Variants in CDH12 observed in about 807,000 individuals in gnomAD.
CDH12 encodes the protein cadherin-12.
A neutral mutation model predicts 74.1 loss-of-function variants in CDH12; 41 were observed. The observed-to-expected ratio is 0.55, with a 90% confidence interval of 0.43 to 0.72. CDH12 has a LOEUF of 0.72. Among genes scored for constraint, CDH12 ranks in the 30% least tolerant of loss-of-function variants. The probability of loss-of-function intolerance (pLI) is 0.00; values close to 1 mark genes in which losing one functional copy is unlikely to be tolerated. For missense variants in CDH12, 945 were observed against 977.2 expected (o/e 0.97, Z 0.44); for synonymous variants, 399 against 355.0 (o/e 1.12, Z -1.39).
At chr5:21,947,804 G>A (rs4028782) in intron 6 of CDH12, among the ~76,000 whole-genome samples, 2 of 152,170 alleles carry the variant, frequency 1.3e-5, no homozygotes, top group Non-Finnish European at 1.5e-5. Flanking sequence ...CAGACCCAGC[G>A]GCCTCTGAGG....
chr5:22,172,702 A>G (rs1749103136), intron 4 of CDH12, among the ~76,000 whole-genome samples: 1 of 151,752 alleles, frequency 6.6e-6, no homozygotes. Context: ...ATGACTGTAT[A>G]CTGTCTACTG....
At chr5:22,778,033 G>A (rs1248055370) in intron 1 of CDH12, among the ~76,000 whole-genome samples, 2 of 152,080 alleles carry the variant, frequency 1.3e-5, no homozygotes, top group Non-Finnish European at 2.9e-5. Context: ...TCGAACTCCT[G>A]ACCTCAAGTG....
chr5:21,880,685 TTCTTTCTC>T (rs1430510348), intron 6 of CDH12, among the ~76,000 whole-genome samples: 3 of 129,036 alleles, frequency 2.3e-5, no homozygotes, highest in African/African-American at 8.4e-5. Context: ...CTTTCTTTCT[TTCTTTCTC>T]TTTTCTCCTT....
At chr5:22,678,296 C>A (rs1741319884) in intron 1 of CDH12, among the ~76,000 whole-genome samples, 1 of 152,076 alleles carries the variant, frequency 6.6e-6, no homozygotes, top group African/African-American at 2.4e-5. Context: ...GTGTTTGTAG[C>A]AAACACTGAA....
At chr5:22,267,108 G>C (rs913499704) in intron 3 of CDH12, among the ~76,000 whole-genome samples, 5 of 151,998 alleles carry the variant, frequency 3.3e-5, no homozygotes, top group Non-Finnish European at 7.4e-5. Flanking sequence ...ACTTTCCCTA[G>C]TGTATTCAAA....
At chr5:22,117,537 T>C in intron 4 of CDH12, among the ~76,000 whole-genome samples, 1 of 102,958 alleles carries the variant, frequency 9.7e-6, no homozygotes, top group Non-Finnish European at 1.9e-5. Flanking sequence ...TATATATATA[T>C]ATATAGTGTG....
chr5:21,992,919 A>G (rs1468938821), intron 5 of CDH12, among the ~76,000 whole-genome samples: 1 of 152,212 alleles, frequency 6.6e-6, no homozygotes, highest in Non-Finnish European at 1.5e-5. Context: ...GGGAGGCCTC[A>G]GAAAACTTAC....
At chr5:22,452,068 T>A (rs761132540) in intron 2 of CDH12, among the ~76,000 whole-genome samples, 7 of 151,624 alleles carry the variant, frequency 4.6e-5, no homozygotes, top group Non-Finnish European at 8.9e-5. Context: ...AAAAATAAAT[T>A]GAAAAGGACA....
At chr5:22,269,872 G>C (rs950504724) in intron 3 of CDH12, among the ~76,000 whole-genome samples, 3 of 152,080 alleles carry the variant, frequency 2.0e-5, no homozygotes, top group African/African-American at 7.2e-5. Flanking sequence ...CAAGCTTGGG[G>C]CCCATTTTAG....
At chr5:22,545,709 G>A (rs938136015) in intron 1 of CDH12, among the ~76,000 whole-genome samples, 1 of 152,050 alleles carries the variant, frequency 6.6e-6, no homozygotes, top group African/African-American at 2.4e-5. Flanking sequence ...TTTAAATGAT[G>A]TATAAAAATA....
In CDH12 at chr5:22,078,823, T is replaced by C; in HGVS notation, c.-147A>G. ...ATGATGCAGGCATTAATCCTTTTGATGAAAAGGCTTCTGCTGTATTATATT... is the reference window on the plus strand; with the variant it reads ...ATGATGCAGGCATTAATCCTTTTGACGAAAAGGCTTCTGCTGTATTATATT... On this transcript the variant is annotated 5_prime_UTR_variant, in exon 5 of 15. Coordinates refer to ENST00000382254, the MANE Select transcript of CDH12 (RefSeq NM_004061.5). The C allele has an allele frequency of 1.4e-6, 2 of 1,431,796 alleles. No homozygotes were observed. The highest frequency in any genetic ancestry group is 1.8e-6 in the Non-Finnish European group (2 of 1,096,976). 88.7% of individuals were successfully genotyped at this position (1,431,796 alleles called of 1,614,324 possible).
intron 3 of CDH12, among the ~76,000 whole-genome samples, chr5:22,319,785 T>C (rs7713669): frequency 0.35 from 53,015 of 151,366 alleles, 9,586 homozygotes; most frequent in South Asian, 0.47. Flanking sequence ...AGGGTTCCTT[T>C]AGAGTGAGTG....
At chr5:21,866,366 T>C (rs1751326723) in intron 6 of CDH12, among the ~76,000 whole-genome samples, 2 of 152,204 alleles carry the variant, frequency 1.3e-5, no homozygotes, top group South Asian at 4.1e-4. Context: ...AGTTTGGAAC[T>C]TCCTAGAGAC....
At chr5:22,326,237 T>TC (rs1433233038) in intron 3 of CDH12, among the ~76,000 whole-genome samples, 6 of 151,452 alleles carry the variant, frequency 4.0e-5, no homozygotes, top group East Asian at 4.0e-4. Flanking sequence ...TATTTTTTTT[T>TC]TTTCTTTCTT....
intron 3 of CDH12, among the ~76,000 whole-genome samples, chr5:22,388,746 T>C (rs768909744): frequency 2.0e-4 from 31 of 152,214 alleles, no homozygotes; most frequent in Non-Finnish European, 2.4e-4. Context: ...TGAAATGTTT[T>C]GGGAAAGGAA....
At chr5:22,368,181 A>C (rs1190356838) in intron 3 of CDH12, among the ~76,000 whole-genome samples, 1 of 152,098 alleles carries the variant, frequency 6.6e-6, no homozygotes, top group Non-Finnish European at 1.5e-5. Flanking sequence ...CCGAAACTTC[A>C]TATATTTAAA....
At chr5:22,243,870 C>G (rs1316010588) in intron 3 of CDH12, among the ~76,000 whole-genome samples, 2 of 152,128 alleles carry the variant, frequency 1.3e-5, no homozygotes, top group East Asian at 1.9e-4. Context: ...TAAGTTCATA[C>G]AAGAACGAAC....
rs1404004895 is a variant in CDH12 at position 22,849,231 on chromosome 5, A to G, written c.-523+3827T>C. Among the ~76,000 whole-genome samples the G allele has an allele frequency of 5.3e-5, 8 of 152,146 alleles. No homozygotes were observed. In the South Asian group the frequency reaches 1.7e-3, roughly 31 times the overall value. ...TAACAGAATAACTCAAAGTTCAAAA[A>G]GTTAAATAACTTTTCCCAAATTGCT... is the stretch of plus-strand genomic sequence containing the variant. On this transcript the variant is annotated intron_variant, in intron 1 of 14. Coordinates refer to ENST00000382254, the MANE Select transcript of CDH12 (RefSeq NM_004061.5).
chr5:21,809,134 T>C (rs1747601440), intron 9 of CDH12, among the ~76,000 whole-genome samples: 1 of 152,136 alleles, frequency 6.6e-6, no homozygotes, highest in Non-Finnish European at 1.5e-5. Flanking sequence ...GTTATTACTA[T>C]ACTTTAGTGT....
Sources: allele counts gnomAD v4.1 joint callset (sites outside exome capture counted in the v4.1 genomes callset), GRCh38; gene constraint gnomAD v4.1.1; transcripts MANE v1.5; gene names NCBI Gene and HGNC (gene_info 2026-07-23, HGNC 2026-07-21).